TGFBR3: variants seen among roughly 807,000 people sequenced by gnomAD.
TGFBR3 encodes transforming growth factor beta receptor type 3.
A neutral mutation model predicts 87.9 loss-of-function variants in TGFBR3; 46 were observed. The ratio of observed to expected loss-of-function variants is 0.52; its 90% CI spans 0.41 to 0.67. The LOEUF is 0.67. Ranked by LOEUF, TGFBR3 falls within the 30% of genes least tolerant of loss-of-function variation. The pLI is 0.00. For missense variants in TGFBR3, 866 were observed against 1,041.9 expected, an observed-to-expected ratio of 0.83 and a Z score of 2.32; for synonymous variants, 381 against 391.6, an observed-to-expected ratio of 0.97 and a Z score of 0.32.
intron 14 of TGFBR3, 36 bp from the exon 15 acceptor site, chr1:91,698,166 G>A: frequency 6.3e-7 from 1 of 1,588,066 alleles, no homozygotes. Flanking sequence ...GTATTCTATG[G>A]AGAACCAAGA....
At chr1:91,690,855 C>A (rs770515688) in intron 16 of TGFBR3, among the ~76,000 whole-genome samples, 2 of 152,134 alleles carry the variant, frequency 1.3e-5, no homozygotes, top group Non-Finnish European at 2.9e-5. Context: ...GTCAGATCAT[C>A]TTAAAGAAGT....
At chr1:91,807,855 T>C (rs1347968760) in intron 2 of TGFBR3, among the ~76,000 whole-genome samples, 3 of 152,178 alleles carry the variant, frequency 2.0e-5, no homozygotes, top group Non-Finnish European at 4.4e-5. Flanking sequence ...GTTTTAAGCA[T>C]TCCATGATCT....
At chr1:91,712,043 G>A (rs1571430528) in intron 13 of TGFBR3, among the ~76,000 whole-genome samples, 200 bp downstream of exon 13, 2 of 152,230 alleles carry the variant, frequency 1.3e-5, no homozygotes. Flanking sequence ...TAGCACGCAT[G>A]GAAAAAAGAA....
At chr1:91,903,337 TCAAAAAAAA>T (rs1679772955) in intron 1 of TGFBR3, among the ~76,000 whole-genome samples, 2 of 3,004 alleles carry the variant, frequency 6.7e-4, no homozygotes, top group Admixed American at 6.0e-3. Flanking sequence ...AGATTCTGCC[TCAAAAAAAA>T]AAAAAAAAAA....
intron 2 of TGFBR3, among the ~76,000 whole-genome samples, chr1:91,830,477 G>A (rs1338111374): frequency 6.6e-6 from 1 of 152,152 alleles, no homozygotes; most frequent in Non-Finnish European, 1.5e-5. Context: ...AGTTGCCACA[G>A]TGACTGGTGC....
intron 2 of TGFBR3, among the ~76,000 whole-genome samples, chr1:91,854,512 G>A (rs967857275): frequency 3.3e-5 from 5 of 152,128 alleles, no homozygotes; most frequent in South Asian, 4.2e-4. Context: ...ACTCGACAGT[G>A]AGGAGGCCCC....
At chr1:91,854,752 C>T (rs1677874447) in intron 2 of TGFBR3, among the ~76,000 whole-genome samples, 1 of 152,068 alleles carries the variant, frequency 6.6e-6, no homozygotes, top group Admixed American at 6.5e-5. Flanking sequence ...GCTAAGGGTG[C>T]ACTATACCAA....
chr1:91,729,966 C>G lies in TGFBR3; in HGVS notation c.576G>C (p.Val192=). 1 of 1,614,118 alleles carries G rather than the reference C, an allele frequency of 6.2e-7. No homozygotes were observed. The change falls in exon 6 of 17, where the codon GTG becomes GTC. Residue 192 remains valine, a synonymous_variant. Transcript: ENST00000212355. Reference sequence around the variant, plus strand: ...TCCCTATGTTGCACTTTGGAGGGAACACTTGATCTGAAAGAGGCACAGGAC... The same window carrying G: ...TCCCTATGTTGCACTTTGGAGGGAAGACTTGATCTGAAAGAGGCACAGGAC... ...NIYIKVGEDQ[V]FPPKCNIGKN...
chr1:91,803,034 C>A (rs1675695770), intron 2 of TGFBR3, among the ~76,000 whole-genome samples: 2 of 152,200 alleles, frequency 1.3e-5, no homozygotes, highest in Admixed American at 6.5e-5. Flanking sequence ...CCAAACTGAT[C>A]TGAAAAACCC....
intron 2 of TGFBR3, among the ~76,000 whole-genome samples, chr1:91,856,011 A>C (rs1026853688): frequency 3.9e-5 from 6 of 151,976 alleles, no homozygotes; most frequent in African/African-American, 1.5e-4. Context: ...TCCACCCTCC[A>C]TCCTCAACAG....
chr1:91,687,131 A>G (rs1671113036), intron 16 of TGFBR3, among the ~76,000 whole-genome samples: 1 of 152,190 alleles, frequency 6.6e-6, no homozygotes, highest in African/African-American at 2.4e-5. Flanking sequence ...CAGTTAGCCT[A>G]TGGCTGGGCC....
chr1:91,777,714 C>T (rs910994868), intron 3 of TGFBR3, among the ~76,000 whole-genome samples: 1 of 152,038 alleles, frequency 6.6e-6, no homozygotes, highest in Non-Finnish European at 1.5e-5. Context: ...GTTTCTATCT[C>T]GTGTATTTAG....
At chr1:91,777,767 T>C (rs1310987324) in intron 3 of TGFBR3, among the ~76,000 whole-genome samples, 1 of 152,214 alleles carries the variant, frequency 6.6e-6, no homozygotes, top group Non-Finnish European at 1.5e-5. Context: ...CTGTTACAGG[T>C]GTTGCTCTTT....
chr1:91,706,786 T>C (rs866990009), intron 14 of TGFBR3, among the ~76,000 whole-genome samples: 1 of 152,214 alleles, frequency 6.6e-6, no homozygotes, highest in East Asian at 1.9e-4. Flanking sequence ...TTGGGACTCC[T>C]TTCTGGTAAC....
At chr1:91,874,784 C>T (rs1433620174) in intron 1 of TGFBR3, among the ~76,000 whole-genome samples, 1 of 152,090 alleles carries the variant, frequency 6.6e-6, no homozygotes, top group Non-Finnish European at 1.5e-5. Context: ...TGAGCCACTG[C>T]GCCCAGCCTA....
At chr1:91,796,467 C>T (rs1352780902) in intron 3 of TGFBR3, among the ~76,000 whole-genome samples, 2 of 152,124 alleles carry the variant, frequency 1.3e-5, no homozygotes, top group Admixed American at 6.5e-5. Context: ...CTAATGTCAC[C>T]GCCACCTTTG....
At chr1:91,891,192 C>CTT (rs577377769) in intron 2 of TGFBR3, among the ~76,000 whole-genome samples, 7 of 141,984 alleles carry the variant, frequency 4.9e-5, no homozygotes, top group East Asian at 4.2e-4. Flanking sequence ...CCTGGTCTCT[C>CTT]TTTTTTTTTT....
At chr1:91,764,316 A>AC (rs1674085290) in intron 3 of TGFBR3, among the ~76,000 whole-genome samples, 2 of 119,974 alleles carry the variant, frequency 1.7e-5, no homozygotes, top group Admixed American at 9.1e-5. Context: ...CACAAAAGAG[A>AC]CAAAAAAAAA....
At chr1:91,837,694 T>C (rs1677112355) in intron 2 of TGFBR3, among the ~76,000 whole-genome samples, 1 of 152,218 alleles carries the variant, frequency 6.6e-6, no homozygotes, top group East Asian at 1.9e-4. Context: ...AGAAAAATTC[T>C]CAGAAATCAT....
Sources: gnomAD v4.1 joint callset for allele counts (sites outside exome capture counted in the v4.1 genomes callset) on GRCh38, gnomAD v4.1.1 for gene constraint, MANE v1.5 for transcripts, NCBI Gene and HGNC (gene_info 2026-07-23, HGNC 2026-07-21) for gene names.